The following MAP4 variants were observed in gnomAD, a reference collection of about 807,000 sequenced individuals.
MAP4 encodes microtubule-associated protein 4.
In MAP4, 76 loss-of-function variants were observed where a neutral mutation model predicts 170.2. The ratio of observed to expected loss-of-function variants is 0.45; its 90% CI spans 0.37 to 0.54. MAP4 has a LOEUF of 0.54. MAP4 is among the 20% of genes least tolerant of loss of function. The probability of loss-of-function intolerance (pLI) is 0.00; values close to 1 mark genes in which losing one functional copy is unlikely to be tolerated. For synonymous variants in MAP4, 909 were observed against 994.5 expected (o/e 0.91, Z 1.62); for missense variants, 2,506 against 2,748.0 (o/e 0.91, Z 1.97).
At chr3:47,889,159 A>G (rs1404312235) in intron 10 of MAP4, among the ~76,000 whole-genome samples, 2 of 152,268 alleles carry the variant, frequency 1.3e-5, no homozygotes, top group African/African-American at 4.8e-5. Flanking sequence ...AATGGAGTAC[A>G]TGTGCAGGGA....
rs1002743915 is a variant in MAP4 at position 47,924,714 on chromosome 3, G to A, written c.416-2836C>T. On this transcript the variant is annotated intron_variant, in intron 4 of 20. Transcript: ENST00000683076. ...GCCTGTTAAGATGGCTTACGTGGCCGTTGAATGGAGGCCTCTGCTCCTCTC... is the reference window on the plus strand; with the variant it reads ...GCCTGTTAAGATGGCTTACGTGGCCATTGAATGGAGGCCTCTGCTCCTCTC... 1.2e-4 allele frequency among the ~76,000 whole-genome samples: 18 copies of A among 152,136 alleles called. 1 individual carries two copies. Among genetic ancestry groups the A allele is most frequent in the Non-Finnish European group, 2.2e-4 (15 of 68,024 alleles).
chr3:47,868,536 G>A (rs1261774042), intron 16 of MAP4, among the ~76,000 whole-genome samples: 1 of 152,114 alleles, frequency 6.6e-6, no homozygotes, highest in East Asian at 1.9e-4. Context: ...GGCTTCTCTG[G>A]CAGAGGCACA....
chr3:47,887,137 C>T (rs935322539), intron 10 of MAP4, among the ~76,000 whole-genome samples: 3 of 152,264 alleles, frequency 2.0e-5, no homozygotes, highest in African/African-American at 7.2e-5. Context: ...CGCCGCTGCA[C>T]TGTGGGACCC....
intron 17 of MAP4, among the ~76,000 whole-genome samples, chr3:47,864,182 T>A (rs181600021): frequency 3.7e-3 from 556 of 152,210 alleles, no homozygotes; most frequent in Non-Finnish European, 5.7e-3. Flanking sequence ...AAACCCAGGC[T>A]GGTTTCGAAG....
At chr3:47,987,778 TC>T (rs2100089696) in intron 2 of MAP4, among the ~76,000 whole-genome samples, 1 of 152,230 alleles carries the variant, frequency 6.6e-6, no homozygotes. Context: ...CTTGGCAACA[TC>T]AAGGCCTTAT....
chr3:47,884,988 C>A (rs1344898996), intron 10 of MAP4, among the ~76,000 whole-genome samples: 1 of 152,074 alleles, frequency 6.6e-6, no homozygotes, highest in African/African-American at 2.4e-5. Context: ...AACAGGAAGG[C>A]CCTTATGGGC....
intron 1 of MAP4, among the ~76,000 whole-genome samples, chr3:48,060,975 G>A (rs954057967): frequency 6.6e-6 from 1 of 151,890 alleles, no homozygotes; most frequent in Non-Finnish European, 1.5e-5. Context: ...CTCCCAAGTA[G>A]CTGGGACTAC....
intron 2 of MAP4, among the ~76,000 whole-genome samples, chr3:47,982,809 A>C (rs1289639403): frequency 2.0e-5 from 3 of 152,190 alleles, no homozygotes; most frequent in Non-Finnish European, 4.4e-5. Flanking sequence ...TAAATTTTTT[A>C]TTGTATGTTT....
chr3:48,042,524 T>G (rs1302062111), intron 1 of MAP4, among the ~76,000 whole-genome samples: 1 of 151,902 alleles, frequency 6.6e-6, no homozygotes, highest in Non-Finnish European at 1.5e-5. Context: ...ATAAACACAT[T>G]AGTCACCAGA....
rs2100043016 is a variant in MAP4, at chr3:47,921,816, C to G, written c.478G>C (p.Ala160Pro). The stretch of plus-strand genomic sequence containing the variant: ...TGTCCTGCAAATATTGAAGTATCAG[C>G]TGTCGCACTGGAGGGAAAGACCAAA... ...ADLVFPSSAT[A>P]DTSIFAGQND... The change falls in exon 5 of 21, where the codon GCT becomes CCT. Residue 160 changes from alanine to proline, a missense_variant. Physicochemically the swap from Ala to Pro is conservative, Grantham distance 27. Coordinates refer to ENST00000683076, the MANE Select transcript of MAP4 (RefSeq NM_001385682.1). 1 of 1,612,342 alleles carries G rather than the reference C, an allele frequency of 6.2e-7. No homozygotes were observed. The highest frequency in any genetic ancestry group is 2.2e-5 in the East Asian group (1 of 44,878).
intron 1 of MAP4, among the ~76,000 whole-genome samples, chr3:48,000,492 A>C (rs2100098547): frequency 6.6e-6 from 1 of 152,112 alleles, no homozygotes; most frequent in African/African-American, 2.4e-5. Context: ...ATCTCCCCTA[A>C]TACAAACCAA....
intron 3 of MAP4, among the ~76,000 whole-genome samples, chr3:47,937,467 TAATATATTTGTCTTAGTTCTTGAATC>T (rs1166595687): frequency 6.6e-6 from 1 of 152,136 alleles, no homozygotes; most frequent in Non-Finnish European, 1.5e-5. Flanking sequence ...TTCATAGGAT[TAATATATTTGTCTTAGTTCTTGAATC>T]ACAAAACACA....
At chr3:47,873,370 T>G (rs1395178916) in intron 12 of MAP4, among the ~76,000 whole-genome samples, 1 of 152,110 alleles carries the variant, frequency 6.6e-6, no homozygotes, top group Non-Finnish European at 1.5e-5. Context: ...ATAAACAAAT[T>G]ACCACATTAC....
intron 3 of MAP4, among the ~76,000 whole-genome samples, chr3:47,958,639 C>T (rs1006293815): frequency 6.6e-6 from 1 of 151,564 alleles, no homozygotes; most frequent in East Asian, 1.9e-4. Flanking sequence ...GCCTCAGCCT[C>T]CTGAGTAGCT....
intron 3 of MAP4, among the ~76,000 whole-genome samples, chr3:47,946,478 A>T (rs1479097360): frequency 6.7e-6 from 1 of 149,526 alleles, no homozygotes; most frequent in Non-Finnish European, 1.5e-5. Context: ...ACATGGTGAA[A>T]CCCCATCTCT....
At chr3:47,928,582 G>T (rs1436783544) in intron 3 of MAP4, among the ~76,000 whole-genome samples, 1 of 152,164 alleles carries the variant, frequency 6.6e-6, no homozygotes, top group Admixed American at 6.6e-5. Flanking sequence ...GAACCCAGGA[G>T]TTTGAGGCTG....
intron 1 of MAP4, among the ~76,000 whole-genome samples, chr3:48,011,619 G>A (rs908005474): frequency 1.4e-4 from 21 of 151,830 alleles, no homozygotes; most frequent in African/African-American, 4.8e-4. Context: ...ACAGACGAAT[G>A]TGGGTGGGAA....
chr3:47,951,126 C>T (rs1042149056), intron 3 of MAP4, among the ~76,000 whole-genome samples: 1 of 152,112 alleles, frequency 6.6e-6, no homozygotes. Flanking sequence ...AAATTACATT[C>T]TTTTGACTCT....
At chr3:48,010,673 G>A (rs1026183014) in intron 1 of MAP4, among the ~76,000 whole-genome samples, 7 of 152,116 alleles carry the variant, frequency 4.6e-5, no homozygotes, top group Non-Finnish European at 7.4e-5. Context: ...TTGATCCTGG[G>A]TGTATCTGTG....
Sources: gnomAD v4.1 joint callset for allele counts (sites outside exome capture counted in the v4.1 genomes callset) on GRCh38, gnomAD v4.1.1 for gene constraint, MANE v1.5 for transcripts, NCBI Gene and HGNC (gene_info 2026-07-23, HGNC 2026-07-21) for gene names.